Variants in RNASEH1 observed in about 807,000 individuals in gnomAD.
RNASEH1 encodes ribonuclease H type II.
A neutral mutation model predicts 34.6 loss-of-function variants in RNASEH1; 27 were observed. The ratio of observed to expected loss-of-function variants is 0.78; its 90% CI spans 0.58 to 1.08. RNASEH1 has a LOEUF of 1.08. Ranked by LOEUF, RNASEH1 falls within the 50% of genes least tolerant of loss-of-function variation. RNASEH1 has a pLI of 0.00. For synonymous variants in RNASEH1, 162 were observed against 138.4 expected (o/e 1.17, Z -1.20); for missense variants, 349 against 373.6 (o/e 0.93, Z 0.54).
chr2:3,546,464 G>T (rs1668763557), intron 7 of RNASEH1, among the ~76,000 whole-genome samples: 1 of 152,038 alleles, frequency 6.6e-6, no homozygotes, highest in South Asian at 2.1e-4. Context: ...TATTACCAAG[G>T]CTTTAATCAT....
At chr2:3,539,979 C>G (rs1558441624), downstream of RNASEH1, among the ~76,000 whole-genome samples, 1 of 151,292 alleles carries the variant, frequency 6.6e-6, no homozygotes, top group Non-Finnish European at 1.5e-5. Flanking sequence ...CACTTTTGTG[C>G]CTGTCCTACA....
chr2:3,534,479 C>G, the RNASEH1 span, among the ~76,000 whole-genome samples: 2 of 152,112 alleles, frequency 1.3e-5, no homozygotes, highest in Non-Finnish European at 2.9e-5. Context: ...GTGGTGGGAA[C>G]GGTTGAGCTG....
rs1478317194 is a variant in RNASEH1 at position 3,550,485 on chromosome 2, G to A, written c.410-13C>T. On this transcript the variant is annotated splice_polypyrimidine_tract_variant and intron_variant, in intron 3 of 7. Transcript: ENST00000315212. Reference sequence around the variant, plus strand: ...ACGACGAAGTCTCCTGTGGGAAAAGGAAGTACATGCTGCTGGGCTGACCTT... The same window carrying A: ...ACGACGAAGTCTCCTGTGGGAAAAGAAAGTACATGCTGCTGGGCTGACCTT... 5.0e-6 allele frequency: 8 copies of A among 1,599,024 alleles called. No individual in the cohort carries two copies. The African/African-American group carries it at 5.4e-5, about 11-fold the overall frequency.
chr2:3,548,110 C>T (rs1372707770), intron 6 of RNASEH1, 55 bp from the exon 7 acceptor site: 2 of 1,600,358 alleles, frequency 1.2e-6, no homozygotes, highest in Non-Finnish European at 1.7e-6. Flanking sequence ...GCCTTTTTCA[C>T]CTCCTTAGTC....
At chr2:3,546,093 T>C (rs1337076198) in intron 7 of RNASEH1, among the ~76,000 whole-genome samples, 1 of 152,224 alleles carries the variant, frequency 6.6e-6, no homozygotes, top group Non-Finnish European at 1.5e-5. Flanking sequence ...TTTTCACAAA[T>C]TGGATTTTAC....
At chr2:3,548,309 G>C (rs1334902986) in intron 6 of RNASEH1, among the ~76,000 whole-genome samples, 1 of 152,094 alleles carries the variant, frequency 6.6e-6, no homozygotes, top group Admixed American at 6.5e-5. Context: ...GCCTTCCCCA[G>C]CCTCGTAAGC....
chr2:3,544,310 T>C lies in RNASEH1; in HGVS notation c.*1475A>G, dbSNP rs924865283. 6.6e-6 allele frequency among the ~76,000 whole-genome samples: 1 copy of C among 152,048 alleles called. No individual in the cohort carries two copies. Among genetic ancestry groups the C allele is most frequent in the African/African-American group, 2.4e-5 (1 of 41,384 alleles). On this transcript the variant is annotated 3_prime_UTR_variant, in exon 8 of 8. Coordinates refer to ENST00000315212, the MANE Select transcript of RNASEH1 (RefSeq NM_002936.6). ...CCCAGCTGCCAATGTGCAGGAAACA[T>C]AGAGGACCATGCTGAACTACACCAT... is the stretch of plus-strand genomic sequence containing the variant.
intron 7 of RNASEH1, among the ~76,000 whole-genome samples, chr2:3,546,448 A>G (rs1416001976): frequency 6.6e-6 from 1 of 152,236 alleles, no homozygotes; most frequent in African/African-American, 2.4e-5. Context: ...CTTGGAATAA[A>G]AGTTCTATTA....
chr2:3,548,318 G>A (rs550514456), intron 6 of RNASEH1, among the ~76,000 whole-genome samples: 1 of 152,244 alleles, frequency 6.6e-6, no homozygotes, highest in East Asian at 1.9e-4. Context: ...AGCCTCGTAA[G>A]CATCCCCTAC....
In RNASEH1 at chr2:3,542,056, A is replaced by G. The variant is rs916222677; in HGVS notation, c.*3729T>C. On this transcript the variant is annotated 3_prime_UTR_variant, in exon 8 of 8. Coordinates refer to ENST00000315212, the MANE Select transcript of RNASEH1 (RefSeq NM_002936.6). ...TTTAAAACTCAAAAAGAAACAAAGAAAGAGATAAAAGAGATTCAAGAGACA... is the reference window on the plus strand; with the variant it reads ...TTTAAAACTCAAAAAGAAACAAAGAGAGAGATAAAAGAGATTCAAGAGACA... Among the ~76,000 whole-genome samples, 1 of 152,198 alleles carries G rather than the reference A, an allele frequency of 6.6e-6. No homozygotes were observed. The highest frequency in any genetic ancestry group is 2.4e-5 in the African/African-American group (1 of 41,464).
chr2:3,547,616 T>C (rs530917576), intron 7 of RNASEH1, among the ~76,000 whole-genome samples: 3 of 151,888 alleles, frequency 2.0e-5, no homozygotes, highest in South Asian at 2.1e-4. Context: ...GCCTCCTGAG[T>C]AGCTGGGACT....
At chr2:3,534,594 T>C in the RNASEH1 span, among the ~76,000 whole-genome samples, 1 of 152,218 alleles carries the variant, frequency 6.6e-6, no homozygotes, top group Non-Finnish European at 1.5e-5. Context: ...GGTTGCGGCA[T>C]GCCCGGCCCA....
Position 3,541,880 on chromosome 2 carries a change from T to G in RNASEH1, c.*3905A>C, listed in dbSNP as rs1375348027. Among the ~76,000 whole-genome samples, 1 of 152,144 alleles carries G rather than the reference T, an allele frequency of 6.6e-6. No homozygotes were observed. Among genetic ancestry groups the G allele is most frequent in the African/African-American group, 2.4e-5 (1 of 41,424 alleles). On this transcript the variant is annotated 3_prime_UTR_variant, in exon 8 of 8. Transcript: ENST00000315212. Reference sequence around the variant, plus strand: ...TTAAAAAGCAAGGTGGGGCCGGCTTTGGTGGCTCACACCTGTAATCCCAGC... The same window carrying G: ...TTAAAAAGCAAGGTGGGGCCGGCTTGGGTGGCTCACACCTGTAATCCCAGC...
intron 1 of RNASEH1, chr2:3,557,572 C>G (rs950067522): frequency 1.4e-5 from 4 of 291,786 alleles, no homozygotes; most frequent in Non-Finnish European, 2.7e-5. Context: ...TCTGGTGGTA[C>G]AGTCAGAACA....
chr2:3,536,926 G>C (rs1392558528), downstream of RNASEH1: 2 of 152,276 alleles, frequency 1.3e-5, no homozygotes, highest in Admixed American at 1.3e-4. Flanking sequence ...AGGCAGGAGG[G>C]AGCACGAGCA....
chr2:3,543,975 T>C lies in RNASEH1; in HGVS notation c.*1810A>G, dbSNP rs891710087. On this transcript the variant is annotated 3_prime_UTR_variant, in exon 8 of 8. Transcript: ENST00000315212. ...CTCACCTTCCTTGACAGACAACTAA[T>C]GCATTATCTTAAAAACTTAGTGTAC... Among the ~76,000 whole-genome samples the C allele has an allele frequency of 1.3e-5, 2 of 152,160 alleles. No individual in the cohort carries two copies. Among genetic ancestry groups the C allele is most frequent in the Admixed American group, 6.5e-5 (1 of 15,278 alleles).
chr2:3,540,912 T>C (rs904924045), downstream of RNASEH1, among the ~76,000 whole-genome samples: 2 of 152,116 alleles, frequency 1.3e-5, no homozygotes, highest in Admixed American at 6.6e-5. Context: ...AAAAAACTTA[T>C]GGACATTTGT....
chr2:3,556,152 C>G (rs542823496), intron 2 of RNASEH1, among the ~76,000 whole-genome samples: 1 of 151,730 alleles, frequency 6.6e-6, no homozygotes, highest in East Asian at 1.9e-4. Flanking sequence ...CCAGCCTGCG[C>G]AACAGAGACT....
At chr2:3,532,412 A>G in the RNASEH1 span, 33 of 699,612 alleles carry the variant, frequency 4.7e-5, no homozygotes, top group Non-Finnish European at 8.4e-5. Flanking sequence ...TCACTGAAAC[A>G]TGCTGAGTGC....
Sources: gnomAD v4.1 joint callset for allele counts (sites outside exome capture counted in the v4.1 genomes callset) on GRCh38, gnomAD v4.1.1 for gene constraint, MANE v1.5 for transcripts, NCBI Gene and HGNC (gene_info 2026-07-23, HGNC 2026-07-21) for gene names.